The following BRCA1 variants were observed in gnomAD, a reference collection of about 807,000 sequenced individuals.
The protein encoded by BRCA1 is breast cancer type 1 susceptibility protein.
Under a neutral mutation model 173.7 loss-of-function variants are expected in BRCA1, and 140 were observed. The observed-to-expected ratio is 0.81, with a 90% CI of 0.70 to 0.93. The LOEUF (loss-of-function observed/expected upper bound fraction) is 0.93, where lower values mean the gene tolerates loss of function less well. BRCA1 is among the 40% of genes least tolerant of loss of function. The probability of loss-of-function intolerance (pLI) is 0.00; values close to 1 mark genes in which losing one functional copy is unlikely to be tolerated. For synonymous variants in BRCA1, 662 were observed against 756.0 expected, an observed-to-expected ratio of 0.88 and a Z score of 2.04; for missense variants, 1,983 against 2,172.5, an observed-to-expected ratio of 0.91 and a Z score of 1.73.
intron 11 of BRCA1, among the ~76,000 whole-genome samples, chr17:43,084,279 C>T (rs1450085076): frequency 6.6e-6 from 1 of 152,182 alleles, no homozygotes; most frequent in Non-Finnish European, 1.5e-5. Context: ...ATCCTCCCGC[C>T]TCGGCCTCCC....
intron 2 of BRCA1, among the ~76,000 whole-genome samples, chr17:43,118,735 C>G (rs2055410558): frequency 6.6e-6 from 1 of 151,428 alleles, no homozygotes; most frequent in Non-Finnish European, 1.5e-5. Flanking sequence ...CTATACCCGG[C>G]CTTTAGCTTT....
intron 15 of BRCA1, among the ~76,000 whole-genome samples, chr17:43,068,554 A>T (rs1010412679): frequency 2.1e-4 from 27 of 125,840 alleles, no homozygotes; most frequent in African/African-American, 6.5e-4. Context: ...TCATGTCTTT[A>T]AAAAAAAAAA....
intron 19 of BRCA1, among the ~76,000 whole-genome samples, chr17:43,056,399 G>C (rs189148733): frequency 1.6e-4 from 25 of 152,140 alleles, no homozygotes; most frequent in East Asian, 9.6e-4. Context: ...GGCTGGTATC[G>C]AACTCCTTGG....
chr17:43,144,311 A>C, intron 1 of BRCA1: 1 of 251,716 alleles, frequency 4.0e-6, no homozygotes, highest in Non-Finnish European at 8.2e-6. Context: ...CATGGGCTTG[A>C]GGGCTTGGGA....
rs890247956 is a variant in BRCA1, at chr17:43,083,259, G to A, written c.4186-684C>T. Among the ~76,000 whole-genome samples, 9 of 151,326 alleles carry A rather than the reference G, an allele frequency of 5.9e-5. No individual in the cohort carries two copies. The East Asian group carries it at 7.7e-4, about 13-fold the overall frequency. ...CAACCTCTTCCTCCCAGGTTCAAGC[G>A]ATTCTCCCACCTCAGCCTCTCAAGT... On this transcript the variant is annotated intron_variant, in intron 11 of 22. Transcript: ENST00000357654.
At chr17:43,061,148 C>A (rs2051733722) in intron 18 of BRCA1, among the ~76,000 whole-genome samples, 1 of 151,866 alleles carries the variant, frequency 6.6e-6, no homozygotes, top group African/African-American at 2.4e-5. Context: ...ATACAGAAAT[C>A]AAAAAACCAC....
At chr17:43,099,616 C>A (rs1156923634) in intron 7 of BRCA1, among the ~76,000 whole-genome samples, 159 bp downstream of exon 7, 1 of 152,092 alleles carries the variant, frequency 6.6e-6, no homozygotes, top group South Asian at 2.1e-4. Flanking sequence ...GTGGGAACTG[C>A]GTCTTTTACA....
At chr17:43,105,005 T>C (rs2154552905) in intron 4 of BRCA1, 49 bp from the exon 5 acceptor site, 1 of 1,423,682 alleles carries the variant, frequency 7.0e-7, no homozygotes, top group South Asian at 1.2e-5. Context: ...ATTATCAACC[T>C]TTTAAGGACA....
At position 43,169,859 on chromosome 17, in the gene BRCA1, G is replaced by A. The variant is rs527928929; in HGVS notation, c.-20+267C>T. 8.9e-6 allele frequency: 3 copies of A among 338,322 alleles called. No individual in the cohort carries two copies. In the East Asian group the frequency reaches 2.9e-4, roughly 32 times the overall value. The allele number at this position is 338,322 out of a possible 1,614,324, so 21.0% of individuals were successfully genotyped here. A position where few individuals can be genotyped will look rare whatever the true frequency, so the allele number is the denominator to read the frequency against. ...GTCCAGAACGTCTCAGCGAGCTCAC[G>A]ACGCGCAGTCACGTTTTTTTCCCCC... On this transcript the variant is annotated intron_variant, in intron 1 of 7. Coordinates refer to the BRCA1 transcript ENST00000634433.
chr17:43,063,229 T>C (rs1158665294), intron 18 of BRCA1, 104 bp downstream of exon 18: 2 of 928,720 alleles, frequency 2.2e-6, no homozygotes, highest in Non-Finnish European at 3.5e-6. Flanking sequence ...GGAAAATTTG[T>C]GCATTGTTAA....
chr17:43,102,078 G>GT (rs898927264), intron 6 of BRCA1, among the ~76,000 whole-genome samples: 242 of 143,834 alleles, frequency 1.7e-3, no homozygotes, highest in African/African-American at 2.8e-3. Flanking sequence ...AAGTTTTTTT[G>GT]TTTTTTTTTT....
In BRCA1 at chr17:43,131,154, C is replaced by T. The variant is rs2055961582; in HGVS notation, c.-19-7039G>A. ...TGTAATGAAATATGCCCAACTCATC[C>T]TTTGACTTCTATGTACATTATAACC... is the stretch of plus-strand genomic sequence containing the variant. On this transcript the variant is annotated intron_variant, in intron 1 of 7. Coordinates refer to the BRCA1 transcript ENST00000634433. 2.4e-5 allele frequency: 5 copies of T among 207,968 alleles called. No individual in the cohort carries two copies. In the South Asian group the frequency reaches 4.3e-4, roughly 18 times the overall value. 12.9% of individuals were successfully genotyped at this position (207,968 alleles called of 1,614,324 possible).
chr17:43,150,843 CAA>C (rs897355299), intron 1 of BRCA1, among the ~76,000 whole-genome samples: 12 of 152,094 alleles, frequency 7.9e-5, no homozygotes, highest in African/African-American at 2.7e-4. Context: ...CCTAGTTTGC[CAA>C]AGAGTCTCTC....
chr17:43,079,169 C>T, intron 12 of BRCA1: 1 of 673,938 alleles, frequency 1.5e-6, no homozygotes, highest in South Asian at 1.8e-5. Flanking sequence ...AGTGAAACTT[C>T]ATCTCAAACA....
chr17:43,048,770 G>A (rs1302965208), intron 21 of BRCA1, among the ~76,000 whole-genome samples: 3 of 147,954 alleles, frequency 2.0e-5, no homozygotes, highest in East Asian at 2.0e-4. Context: ...CACCTGCCTC[G>A]GCCTCCCAAA....
chr17:43,147,924 C>T (rs1271054276), intron 1 of BRCA1, among the ~76,000 whole-genome samples: 1 of 152,294 alleles, frequency 6.6e-6, no homozygotes, highest in East Asian at 1.9e-4. Context: ...AAACTTTCCC[C>T]TTCCTATCCC....
chr17:43,133,548 C>T (rs911827899), intron 1 of BRCA1, among the ~76,000 whole-genome samples: 4 of 152,128 alleles, frequency 2.6e-5, no homozygotes, highest in Non-Finnish European at 4.4e-5. Context: ...ATGTTTTGAG[C>T]CCTTCCTGCG....
chr17:43,144,942 T>C (rs1368738815), intron 1 of BRCA1: 1 of 592,642 alleles, frequency 1.7e-6, no homozygotes, highest in Admixed American at 2.2e-5. Context: ...GCACCCACCT[T>C]CCCTGCTGCC....
intron 1 of BRCA1, chr17:43,162,506 G>A (rs2056242742): frequency 6.6e-6 from 1 of 152,114 alleles, no homozygotes; most frequent in Non-Finnish European, 1.5e-5. Context: ...CACACATCAG[G>A]TTGGTCACTT....
Sources: gnomAD v4.1 joint callset for allele counts (sites outside exome capture counted in the v4.1 genomes callset) on GRCh38, gnomAD v4.1.1 for gene constraint, MANE v1.5 for transcripts, NCBI Gene and HGNC (gene_info 2026-07-23, HGNC 2026-07-21) for gene names.